The following SAMHD1 variants were observed in gnomAD, a reference collection of about 807,000 sequenced individuals.
SAMHD1 encodes deoxynucleoside triphosphate triphosphohydrolase SAMHD1.
In SAMHD1, 54 loss-of-function variants were observed where a neutral mutation model predicts 79.6. The ratio of observed to expected loss-of-function variants is 0.68; its 90% CI spans 0.55 to 0.85. The LOEUF is 0.85. SAMHD1 is among the 40% of genes least tolerant of loss of function. The pLI is 0.00. For synonymous variants in SAMHD1, 260 were observed against 264.1 expected (o/e 0.98, Z 0.15); for missense variants, 663 against 782.7 (o/e 0.85, Z 1.82).
At chr20:36,951,364 C>A in intron 1 of SAMHD1, 72 bp downstream of exon 1, 1 of 1,599,358 alleles carries the variant, frequency 6.3e-7, no homozygotes, top group Non-Finnish European at 8.5e-7. Flanking sequence ...TCGTGGGGCC[C>A]CCTCCCTCAG....
intron 6 of SAMHD1, among the ~76,000 whole-genome samples, chr20:36,923,403 C>T (rs2063518608): frequency 6.6e-6 from 1 of 151,892 alleles, no homozygotes; most frequent in African/African-American, 2.4e-5. Context: ...GCCCGGGTGA[C>T]AGGGCAAGAC....
In SAMHD1 at chr20:36,899,583, C is replaced by T. The variant is rs536224052; in HGVS notation, c.1504-1039G>A. 3.3e-5 allele frequency among the ~76,000 whole-genome samples: 5 copies of T among 152,230 alleles called. No homozygotes were observed. The East Asian group carries it at 5.8e-4, about 18-fold the overall frequency. On this transcript the variant is annotated intron_variant, in intron 13 of 15. Transcript: ENST00000646673. ...GTTACCTGATGTAGCCTAGGGTGCC[C>T]GGAGAATGACCGGAAACATTTTCCT...
chr20:36,941,070 C>A lies in SAMHD1; in HGVS notation c.317G>T (p.Arg106Leu), dbSNP rs753821325. The change falls in exon 3 of 16, where the codon CGA (arginine) becomes CTA (leucine). Residue 106 changes from arginine to leucine, a missense_variant. By Grantham distance (102) the Arg-to-Leu change is moderately radical (BLOSUM62 -2). Transcript: ENST00000646673. ...ERKKLLSYIQ[R>L]LVQIHVDTMK... ...TGTATCAACGTGGATTTGAACCAAT[C>A]GCTGGATATAACTAAGCAGCTTCTT... The A allele has an allele frequency of 6.2e-7, 1 of 1,613,572 alleles. No homozygotes were observed. The highest frequency in any genetic ancestry group is 2.2e-5 in the East Asian group (1 of 44,840).
intron 9 of SAMHD1, 121 bp from the exon 10 acceptor site, chr20:36,912,673 C>T: frequency 1.4e-6 from 1 of 705,054 alleles, no homozygotes; most frequent in East Asian, 2.8e-5. Flanking sequence ...TGCACCGGGG[C>T]TTCTTCATTA....
chr20:36,934,605 C>A (rs1260682929), intron 4 of SAMHD1: 1 of 142,854 alleles, frequency 7.0e-6, no homozygotes, highest in African/African-American at 2.6e-5. Flanking sequence ...ACTATTTATT[C>A]TCTAAAAGAT....
At chr20:36,947,192 G>A (rs1347703369) in intron 1 of SAMHD1, 1 of 238,708 alleles carries the variant, frequency 4.2e-6, no homozygotes, top group African/African-American at 2.3e-5. Flanking sequence ...GGGAGGGAAG[G>A]AAACCTAAGT....
intron 9 of SAMHD1, among the ~76,000 whole-genome samples, chr20:36,916,170 A>G (rs1040503632): frequency 1.4e-4 from 22 of 152,120 alleles, no homozygotes; most frequent in Non-Finnish European, 5.9e-5. Context: ...CAAAAAAAAA[A>G]AGAGAGAGAC....
intron 11 of SAMHD1, among the ~76,000 whole-genome samples, chr20:36,910,730 CAAA>C (rs397777434): frequency 8.5e-6 from 1 of 118,144 alleles, no homozygotes. Context: ...ACTCCATCTC[CAAA>C]AAAAAAAAAA....
At chr20:36,928,297 G>A (rs1440867323) in intron 5 of SAMHD1, among the ~76,000 whole-genome samples, 1 of 152,116 alleles carries the variant, frequency 6.6e-6, no homozygotes, top group Admixed American at 6.6e-5. Flanking sequence ...GCTGAGACAG[G>A]AGAATGGCGT....
chr20:36,947,310 GGTGTGTGTGT>G (rs35061251), intron 1 of SAMHD1, among the ~76,000 whole-genome samples: 210 of 85,120 alleles, frequency 2.5e-3, no homozygotes, highest in African/African-American at 8.5e-3. Flanking sequence ...ATTTGGAAGA[GGTGTGTGTGT>G]GTGTGTGTGT....
chr20:36,896,057 C>G (rs1237043631), intron 15 of SAMHD1, among the ~76,000 whole-genome samples: 1 of 151,830 alleles, frequency 6.6e-6, no homozygotes, highest in Non-Finnish European at 1.5e-5. Context: ...ACTTGAGCAT[C>G]TGTGGATTTT....
At chr20:36,915,885 C>T (rs1336091493) in intron 9 of SAMHD1, among the ~76,000 whole-genome samples, 2 of 152,038 alleles carry the variant, frequency 1.3e-5, no homozygotes, top group African/African-American at 4.8e-5. Flanking sequence ...CTGGGCCAGG[C>T]ACCTTGGCTC....
chr20:36,895,748 T>C (rs1990185480), intron 15 of SAMHD1, among the ~76,000 whole-genome samples: 1 of 151,952 alleles, frequency 6.6e-6, no homozygotes, highest in Admixed American at 6.6e-5. Context: ...TTCAGTGATT[T>C]AGTTTCAGTG....
intron 1 of SAMHD1, among the ~76,000 whole-genome samples, chr20:36,948,313 C>T (rs375085084): frequency 3.3e-5 from 5 of 151,864 alleles, no homozygotes; most frequent in Non-Finnish European, 2.9e-5. Context: ...AGTGCAGTGG[C>T]GGGATCTTGG....
intron 11 of SAMHD1, among the ~76,000 whole-genome samples, chr20:36,905,934 T>C (rs943445082): frequency 6.6e-6 from 1 of 151,300 alleles, no homozygotes; most frequent in Non-Finnish European, 1.5e-5. Flanking sequence ...GATTGTGCCA[T>C]TGCACTCAAG....
At chr20:36,893,539 G>A in intron 15 of SAMHD1, 1 of 276,792 alleles carries the variant, frequency 3.6e-6, no homozygotes, top group Non-Finnish European at 6.7e-6. Flanking sequence ...CTCTAACGTT[G>A]GTCCCATCAG....
At chr20:36,935,003 A>C (rs1326350498) in intron 4 of SAMHD1, 26 bp downstream of exon 4, 4 of 1,611,824 alleles carry the variant, frequency 2.5e-6, no homozygotes, top group Middle Eastern at 1.6e-4. Flanking sequence ...AAAAACTGCA[A>C]GTTCCCCACC....
Position 36,948,442 on chromosome 20 carries a change from G to C in SAMHD1, c.209-1638C>G, listed in dbSNP as rs574807187. Among the ~76,000 whole-genome samples, 285 of 152,036 alleles carry C rather than the reference G, an allele frequency of 1.9e-3. 1 individual carries two copies. Among genetic ancestry groups the C allele is most frequent in the African/African-American group, 6.4e-3 (265 of 41,520 alleles). ...TAATTTTTGTATTTTTAGTAGAGAC[G>C]GTGTTTCACCATGTTGGCCAGGCTG... On this transcript the variant is annotated intron_variant, in intron 1 of 15. Coordinates refer to ENST00000646673, the MANE Select transcript of SAMHD1 (RefSeq NM_015474.4).
At chr20:36,927,300 A>C in intron 5 of SAMHD1, 48 bp from the exon 6 acceptor site, 15 of 1,444,736 alleles carry the variant, frequency 1.0e-5, no homozygotes, top group Non-Finnish European at 1.4e-5. Context: ...CTGTAAACCA[A>C]CAAAAACTTT....
Sources: gnomAD v4.1 joint callset for allele counts (sites outside exome capture counted in the v4.1 genomes callset) on GRCh38, gnomAD v4.1.1 for gene constraint, MANE v1.5 for transcripts, NCBI Gene and HGNC (gene_info 2026-07-23, HGNC 2026-07-21) for gene names.